The following GRIP1 variants were observed in gnomAD, a reference collection of about 807,000 sequenced individuals.
The protein encoded by GRIP1 is glutamate receptor interacting protein 1, also known as glutamate receptor-interacting protein 1.
GRIP1 carries 45 observed loss-of-function variants against 129.9 expected under a neutral mutation model. The ratio of observed to expected loss-of-function variants is 0.35; its 90% CI spans 0.27 to 0.44. The LOEUF is 0.44. Among genes scored for constraint, GRIP1 ranks in the 20% least tolerant of loss-of-function variants. The pLI is 1.00. For synonymous variants in GRIP1, 530 were observed against 520.8 expected (o/e 1.02, Z -0.24); for missense variants, 1,196 against 1,396.8 (o/e 0.86, Z 2.29).
At chr12:66,843,625 A>G (rs1010470196) in intron 1 of GRIP1, among the ~76,000 whole-genome samples, 1 of 152,142 alleles carries the variant, frequency 6.6e-6, no homozygotes, top group Non-Finnish European at 1.5e-5. Flanking sequence ...CCAATAAAAC[A>G]GAATAAGGAA....
intron 13 of GRIP1, 125 bp from the exon 14 acceptor site, chr12:66,432,753 AGAT>A: frequency 1.6e-6 from 1 of 640,978 alleles, no homozygotes; most frequent in Non-Finnish European, 2.8e-6. Context: ...AACTGAAGTA[AGAT>A]GAAGGCCTTT....
At chr12:66,654,427 G>C (rs937391340) in intron 1 of GRIP1, among the ~76,000 whole-genome samples, 1 of 152,158 alleles carries the variant, frequency 6.6e-6, no homozygotes, top group Non-Finnish European at 1.5e-5. Flanking sequence ...GGAAAATTTT[G>C]TGAAAATGAA....
intron 1 of GRIP1, among the ~76,000 whole-genome samples, chr12:67,042,980 G>A (rs901729776): frequency 6.6e-6 from 1 of 152,174 alleles, no homozygotes; most frequent in African/African-American, 2.4e-5. Context: ...AGCACAATTT[G>A]GAATGACAAA....
chr12:66,400,666 G>T (rs57481021), intron 16 of GRIP1, among the ~76,000 whole-genome samples: 4,085 of 152,076 alleles, frequency 0.027, 205 homozygotes, highest in African/African-American at 0.093. Context: ...TTGATTTATG[G>T]TCTCCAAAAA....
chr12:66,462,946 C>T lies in GRIP1; in HGVS notation c.1020G>A (p.Leu340=), dbSNP rs745553969. 10 of 1,613,750 alleles carry T rather than the reference C, an allele frequency of 6.2e-6. No individual in the cohort carries two copies. The African/African-American group carries it at 1.1e-4, about 17-fold the overall frequency. ...LEILPHHQTR[L]ALKGPDHVKI... ...CACCATGGTCGGGCCCCTTTAGGGC[C>T]AGCCGGGTCTGATGATGGGGAAGGA... Residue 340 remains leucine, a synonymous_variant, in exon 9 of 25, where the codon CTG becomes CTA. Coordinates refer to ENST00000359742, the MANE Select transcript of GRIP1 (RefSeq NM_001366722.1).
chr12:66,463,979 G>T (rs2059209824), intron 8 of GRIP1, among the ~76,000 whole-genome samples: 1 of 152,142 alleles, frequency 6.6e-6, no homozygotes, highest in Admixed American at 6.5e-5. Context: ...CTGAATGTTG[G>T]GTAAGACCAC....
intron 1 of GRIP1, among the ~76,000 whole-genome samples, chr12:66,873,108 G>GGCA (rs1242175076): frequency 1.3e-5 from 2 of 152,050 alleles, no homozygotes; most frequent in African/African-American, 4.8e-5. Flanking sequence ...GTGGCCTCAA[G>GGCA]GCAATCAGAT....
chr12:66,393,578 T>C (rs1055590958), intron 17 of GRIP1, among the ~76,000 whole-genome samples: 16 of 152,170 alleles, frequency 1.1e-4, no homozygotes, highest in Admixed American at 4.6e-4. Context: ...AATGCATTTG[T>C]GTATTCCTGA....
chr12:66,620,083 T>TA (rs1272132644), intron 1 of GRIP1, among the ~76,000 whole-genome samples: 1 of 152,212 alleles, frequency 6.6e-6, no homozygotes, highest in Admixed American at 6.6e-5. Context: ...GGCATTAAGC[T>TA]ACCTGCTCAA....
At chr12:66,983,546 T>C (rs1363961074) in intron 1 of GRIP1, among the ~76,000 whole-genome samples, 2 of 152,194 alleles carry the variant, frequency 1.3e-5, no homozygotes, top group East Asian at 3.9e-4. Flanking sequence ...TAAAGTACTT[T>C]AGGTAATTAT....
At chr12:66,763,029 T>C (rs2037522599) in intron 1 of GRIP1, among the ~76,000 whole-genome samples, 2 of 152,182 alleles carry the variant, frequency 1.3e-5, no homozygotes, top group Admixed American at 6.5e-5. Context: ...CCACATAGTT[T>C]GTTCTGTTAC....
intron 1 of GRIP1, among the ~76,000 whole-genome samples, chr12:67,001,580 C>T (rs1054971772): frequency 1.3e-5 from 2 of 152,078 alleles, no homozygotes; most frequent in Non-Finnish European, 2.9e-5. Context: ...CAGGATACTA[C>T]CTAAAGGCTC....
intron 1 of GRIP1, among the ~76,000 whole-genome samples, chr12:67,058,168 A>C (rs2043470227): frequency 6.6e-6 from 1 of 152,224 alleles, no homozygotes; most frequent in African/African-American, 2.4e-5. Flanking sequence ...TAAACAAATA[A>C]ATACCTATCA....
intron 1 of GRIP1, among the ~76,000 whole-genome samples, chr12:66,760,748 T>G (rs2037449258): frequency 6.6e-6 from 1 of 152,086 alleles, no homozygotes. Context: ...GAGATAAAAA[T>G]GACTGCACAA....
intron 19 of GRIP1, among the ~76,000 whole-genome samples, chr12:66,383,299 A>AACAAC (rs1267268264): frequency 7.1e-6 from 1 of 141,316 alleles, no homozygotes; most frequent in African/African-American, 2.6e-5. Flanking sequence ...TCTGTCTCAA[A>AACAAC]AACAACAACA....
chr12:66,835,327 T>A (rs1031114132), intron 1 of GRIP1, among the ~76,000 whole-genome samples: 11 of 152,214 alleles, frequency 7.2e-5, no homozygotes, highest in African/African-American at 2.7e-4. Context: ...TCCCAGTCAT[T>A]AGTATGAAAA....
intron 1 of GRIP1, among the ~76,000 whole-genome samples, chr12:67,053,016 A>G (rs1239831341): frequency 2.6e-5 from 4 of 152,178 alleles, no homozygotes; most frequent in Non-Finnish European, 5.9e-5. Flanking sequence ...GGAAAAAATT[A>G]TATCAGTGAA....
intron 1 of GRIP1, among the ~76,000 whole-genome samples, chr12:66,677,546 C>T (rs192036620): frequency 6.6e-5 from 10 of 152,230 alleles, no homozygotes; most frequent in Non-Finnish European, 1.3e-4. Flanking sequence ...TACGTCTGTA[C>T]CAATTGTAGA....
intron 1 of GRIP1, among the ~76,000 whole-genome samples, chr12:66,855,083 T>C (rs969747408): frequency 1.3e-5 from 2 of 151,920 alleles, no homozygotes; most frequent in Non-Finnish European, 2.9e-5. Context: ...AGTGGGGAGC[T>C]GTCTAGCGGA....
Sources: gnomAD v4.1 joint callset for allele counts (sites outside exome capture counted in the v4.1 genomes callset) on GRCh38, gnomAD v4.1.1 for gene constraint, MANE v1.5 for transcripts, NCBI Gene and HGNC (gene_info 2026-07-23, HGNC 2026-07-21) for gene names.